USO1: variants seen among roughly 807,000 people sequenced by gnomAD.
USO1 encodes USO1 vesicle transport factor, also known as general vesicular transport factor p115.
A neutral mutation model predicts 124.5 loss-of-function variants in USO1; 57 were observed. The observed-to-expected ratio is 0.46, with a 90% CI of 0.37 to 0.57. The LOEUF (loss-of-function observed/expected upper bound fraction) is 0.57. USO1 is among the 20% of genes least tolerant of loss of function. USO1 has a pLI of 0.00. For synonymous variants in USO1, 369 were observed against 362.8 expected (o/e 1.02, Z -0.19); for missense variants, 900 against 1,040.6 (o/e 0.86, Z 1.86).
intron 4 of USO1, 23 bp from the exon 5 acceptor site, chr4:75,770,416 T>A (rs1560447480): frequency 1.3e-6 from 2 of 1,502,986 alleles, no homozygotes; most frequent in African/African-American, 2.8e-5. Flanking sequence ...TAAATTGAAA[T>A]TCTTTATTTT....
intron 13 of USO1, among the ~76,000 whole-genome samples, chr4:75,794,709 G>A (rs890398563): frequency 6.6e-5 from 10 of 152,134 alleles, no homozygotes; most frequent in African/African-American, 2.4e-4. Context: ...ATGTGGTTGT[G>A]TCCTTCTTTA....
intron 4 of USO1, among the ~76,000 whole-genome samples, chr4:75,762,584 A>C (rs917411722): frequency 4.6e-5 from 7 of 151,654 alleles, no homozygotes; most frequent in Non-Finnish European, 1.5e-5. Flanking sequence ...TTATTAAATC[A>C]TGTAATTCAC....
chr4:75,772,188 A>G (rs919811069), intron 7 of USO1, among the ~76,000 whole-genome samples: 1 of 152,222 alleles, frequency 6.6e-6, no homozygotes, highest in Non-Finnish European at 1.5e-5. Flanking sequence ...TAATATGTAT[A>G]TCAATTCAGT....
At chr4:75,770,212 T>C in intron 4 of USO1, 1 of 294,940 alleles carries the variant, frequency 3.4e-6, no homozygotes, top group Non-Finnish European at 6.1e-6. Flanking sequence ...ATCCTTTTTT[T>C]AGATATCATA....
At chr4:75,762,297 A>G (rs1375357117) in intron 4 of USO1, among the ~76,000 whole-genome samples, 1 of 149,238 alleles carries the variant, frequency 6.7e-6, no homozygotes, top group African/African-American at 2.5e-5. Context: ...CAGCCTCCCA[A>G]GTAGCTGGGA....
intron 1 of USO1, among the ~76,000 whole-genome samples, chr4:75,725,582 C>T (rs1254837839): frequency 1.3e-5 from 2 of 150,778 alleles, no homozygotes; most frequent in Non-Finnish European, 2.9e-5. Flanking sequence ...CCGCTTTCTG[C>T]CTGAACTCCT....
In USO1 at chr4:75,729,053, C is replaced by G. The variant is rs545179908; in HGVS notation, c.66+4168C>G. Reference sequence around the variant, plus strand: ...CTTCGTGATCCGCCTGCCTTGGCCTCCCAAAGTGCTGGAATTACAGGTGTG... The same window carrying G: ...CTTCGTGATCCGCCTGCCTTGGCCTGCCAAAGTGCTGGAATTACAGGTGTG... On this transcript the variant is annotated intron_variant, in intron 1 of 23. Coordinates refer to ENST00000514213, the MANE Select transcript of USO1 (RefSeq NM_003715.4). Among the ~76,000 whole-genome samples, 3 of 152,288 alleles carry G rather than the reference C, an allele frequency of 2.0e-5. 1 individual carries two copies. The South Asian group carries it at 6.2e-4, about 32-fold the overall frequency.
chr4:75,777,897 C>T (rs1008508988), intron 8 of USO1, among the ~76,000 whole-genome samples: 3 of 152,112 alleles, frequency 2.0e-5, no homozygotes, highest in Non-Finnish European at 4.4e-5. Flanking sequence ...ATTAAAACAC[C>T]TTTGTTCATA....
At position 75,813,443 on chromosome 4, in the gene USO1, C is replaced by T; in HGVS notation, c.*148C>T. On this transcript the variant is annotated 3_prime_UTR_variant, in exon 24 of 24. Transcript: ENST00000514213. ...CTATTGATATATTTTTGTAATGTTG[C>T]CACCCATGTTGAAAACCTTAAAACT... 1.2e-6 allele frequency: 1 copy of T among 837,502 alleles called. No homozygotes were observed. Among genetic ancestry groups the T allele is most frequent in the Non-Finnish European group, 1.6e-6 (1 of 607,080 alleles). 51.9% of individuals were successfully genotyped at this position (837,502 alleles called of 1,614,324 possible).
intron 1 of USO1, among the ~76,000 whole-genome samples, chr4:75,725,727 G>C (rs952486543): frequency 1.3e-5 from 2 of 152,154 alleles, no homozygotes; most frequent in African/African-American, 4.8e-5. Flanking sequence ...ATGGAATCGA[G>C]GGTGTATGCC....
chr4:75,782,810 T>A lies in USO1; in HGVS notation c.807T>A (p.Asn269Lys). Residue 269 changes from asparagine (N) to lysine (K), a missense_variant, in exon 9 of 24, where the codon AAT (asparagine) becomes AAA (lysine). By Grantham distance (94) the Asn-to-Lys change is moderately conservative. Transcript: ENST00000514213. ...CTTGGTTTGAAGTTGGAGATGAAAA[T>A]TCTGGCTGGTCTGCACAGAAAGTGA... ...MKPWFEVGDENSGWSAQKVTN... is the reference protein window; with the variant it reads ...MKPWFEVGDEKSGWSAQKVTN... 1 of 1,607,510 alleles carries A rather than the reference T, an allele frequency of 6.2e-7. No individual in the cohort carries two copies. The highest frequency in any genetic ancestry group is 1.1e-5 in the South Asian group (1 of 89,360).
intron 1 of USO1, among the ~76,000 whole-genome samples, chr4:75,731,909 T>C (rs1277896512): frequency 3.3e-5 from 5 of 152,244 alleles, no homozygotes; most frequent in Non-Finnish European, 1.5e-5. Context: ...TAGTGTCCTT[T>C]AATTTTTTTG....
chr4:75,769,572 C>T (rs1721863605), intron 4 of USO1, among the ~76,000 whole-genome samples: 2 of 151,998 alleles, frequency 1.3e-5, no homozygotes, highest in Non-Finnish European at 2.9e-5. Flanking sequence ...TAGTGGAGTA[C>T]TATATGGAAA....
intron 7 of USO1, among the ~76,000 whole-genome samples, chr4:75,773,647 C>T (rs938169235): frequency 6.6e-6 from 1 of 152,104 alleles, no homozygotes; most frequent in Non-Finnish European, 1.5e-5. Flanking sequence ...TGTATTTCTT[C>T]TTCTCTTTGT....
intron 1 of USO1, among the ~76,000 whole-genome samples, chr4:75,740,294 G>A (rs535400216): frequency 1.3e-5 from 2 of 152,256 alleles, no homozygotes; most frequent in South Asian, 4.1e-4. Flanking sequence ...GGACCAGTGG[G>A]TTTTGTTTTT....
rs3059597 is a variant in USO1, at chr4:75,732,876, T to TAAAAAAAAAA, written c.66+8004_66+8013dup. On this transcript the variant is annotated intron_variant, in intron 1 of 23. Transcript: ENST00000514213. Reference sequence around the variant, plus strand: ...CCTGGCGACAGAGCGAGATTCCATCTAAAAAAAAAAAAAAAAAAAAAAGTC... The same window carrying TAAAAAAAAAA: ...CCTGGCGACAGAGCGAGATTCCATCTAAAAAAAAAAAAAAAAAAAAAAAAAAAAAAAAGTC... Among the ~76,000 whole-genome samples the TAAAAAAAAAA allele has an allele frequency of 3.7e-4, 18 of 48,182 alleles. 2 individuals carry two copies. The highest frequency in any genetic ancestry group is 5.8e-4 in the African/African-American group (6 of 10,416). The allele number at this position is 48,182 out of a possible 152,430, so 31.6% of individuals were successfully genotyped here.
At chr4:75,772,358 T>C (rs1202324783) in intron 7 of USO1, among the ~76,000 whole-genome samples, 1 of 151,930 alleles carries the variant, frequency 6.6e-6, no homozygotes, top group Non-Finnish European at 1.5e-5. Context: ...TGCCTCAGCC[T>C]CTCGAGTAGC....
At chr4:75,763,255 C>G (rs1477531022) in intron 4 of USO1, among the ~76,000 whole-genome samples, 2 of 152,178 alleles carry the variant, frequency 1.3e-5, no homozygotes, top group Non-Finnish European at 2.9e-5. Flanking sequence ...GCTATACAGA[C>G]AGATGATGGT....
intron 1 of USO1, among the ~76,000 whole-genome samples, chr4:75,735,290 A>G (rs568373204): frequency 3.9e-5 from 6 of 152,174 alleles, no homozygotes; most frequent in East Asian, 1.9e-4. Flanking sequence ...TTGATTTTGT[A>G]TCCTGAAACA....
Sources: gnomAD v4.1 joint callset for allele counts (sites outside exome capture counted in the v4.1 genomes callset) on GRCh38, gnomAD v4.1.1 for gene constraint, MANE v1.5 for transcripts, NCBI Gene and HGNC (gene_info 2026-07-23, HGNC 2026-07-21) for gene names.